PKIA: variants seen among roughly 807,000 people sequenced by gnomAD.
PKIA encodes the protein cAMP-dependent protein kinase inhibitor alpha, also known as PKI-alpha.
PKIA carries 4 observed loss-of-function variants against 7.6 expected under a neutral mutation model. That is an observed-to-expected ratio of 0.52 (90% confidence interval 0.26 to 1.20). PKIA has a LOEUF of 1.20. Ranked by LOEUF, PKIA falls within the 50% of genes most tolerant of loss-of-function variation. The pLI is 0.13. For missense variants in PKIA, 73 were observed against 86.2 expected (o/e 0.85, Z 0.61); for synonymous variants, 21 against 30.7 (o/e 0.68, Z 1.04).
intron 1 of PKIA, among the ~76,000 whole-genome samples, chr8:78,545,374 A>C (rs1047259970): frequency 6.6e-6 from 1 of 152,130 alleles, no homozygotes; most frequent in Non-Finnish European, 1.5e-5. Flanking sequence ...AATTTCATAG[A>C]AAAGGCATAG....
At chr8:78,594,597 A>G (rs1013417983) in intron 2 of PKIA, among the ~76,000 whole-genome samples, 3 of 152,190 alleles carry the variant, frequency 2.0e-5, no homozygotes, top group Admixed American at 2.0e-4. Context: ...CCTGTGTTTT[A>G]CAGGGACTAA....
rs1361691609 is a variant in PKIA at position 78,568,237 on chromosome 8, C to T, written c.-156-4574C>T. ...GATGAGTTTATATTAATGTCTCCAA[C>T]CCTAATCTACTACCTCATGAATCAG... On this transcript the variant is annotated intron_variant, in intron 1 of 3. Transcript: ENST00000396418. Among the ~76,000 whole-genome samples the T allele has an allele frequency of 2.0e-5, 3 of 152,098 alleles. No homozygotes were observed. In the South Asian group the frequency reaches 6.2e-4, roughly 32 times the overall value.
chr8:78,594,488 G>A lies in PKIA; in HGVS notation c.-27-3870G>A, dbSNP rs571974475. 2.0e-5 allele frequency among the ~76,000 whole-genome samples: 3 copies of A among 152,288 alleles called. No homozygotes were observed. In the South Asian group the frequency reaches 6.2e-4, roughly 32 times the overall value. On this transcript the variant is annotated intron_variant, in intron 2 of 3. Coordinates refer to ENST00000396418, the MANE Select transcript of PKIA (RefSeq NM_006823.4). ...AAAGGCCTTTGAGAAAGGCAAAATGGTAACACTTACTGCAGCATTTTGGAT... is the reference window on the plus strand; with the variant it reads ...AAAGGCCTTTGAGAAAGGCAAAATGATAACACTTACTGCAGCATTTTGGAT...
Position 78,602,112 on chromosome 8 carries a change from C to T in PKIA, c.*291C>T, listed in dbSNP as rs780352013. 4.8e-5 allele frequency: 15 copies of T among 313,142 alleles called. No individual in the cohort carries two copies. The highest frequency in any genetic ancestry group is 7.6e-5 in the Non-Finnish European group (13 of 171,286). The allele number at this position is 313,142 out of a possible 1,614,324, so 19.4% of individuals were successfully genotyped here. A position where few individuals can be genotyped will look rare whatever the true frequency, so the allele number is the denominator to read the frequency against. ...ACGAAATGCTTATAGAGAGTAGCTC[C>T]GACCTAGATGATGATTCTTCCTGTA... On this transcript the variant is annotated 3_prime_UTR_variant, in exon 4 of 4. Coordinates refer to ENST00000396418, the MANE Select transcript of PKIA (RefSeq NM_006823.4).
At chr8:78,566,327 G>T (rs1807411822) in intron 1 of PKIA, among the ~76,000 whole-genome samples, 1 of 151,978 alleles carries the variant, frequency 6.6e-6, no homozygotes, top group Non-Finnish European at 1.5e-5. Flanking sequence ...AAAGTAAGAT[G>T]GTGAGTGATC....
intron 1 of PKIA, chr8:78,535,676 A>T (rs1398297058): frequency 1.3e-5 from 2 of 152,124 alleles, no homozygotes; most frequent in Non-Finnish European, 2.9e-5. Context: ...AAGTACATTC[A>T]GCCCTCCGAA....
intron 1 of PKIA, among the ~76,000 whole-genome samples, chr8:78,532,932 A>T (rs915256587): frequency 6.7e-6 from 1 of 149,372 alleles, no homozygotes; most frequent in Non-Finnish European, 1.5e-5. Flanking sequence ...AAATAAAAAT[A>T]AAAAAAATAC....
At chr8:78,577,110 T>A (rs1484657523) in intron 2 of PKIA, among the ~76,000 whole-genome samples, 1 of 151,918 alleles carries the variant, frequency 6.6e-6, no homozygotes, top group Admixed American at 6.6e-5. Flanking sequence ...ATGTTCTCAC[T>A]TTTTTTTAAT....
Position 78,575,613 on chromosome 8 carries a change from A to G in PKIA, c.-28+2674A>G, listed in dbSNP as rs1337915918. Among the ~76,000 whole-genome samples the G allele has an allele frequency of 2.0e-5, 3 of 151,992 alleles. 1 individual carries two copies. In the East Asian group the frequency reaches 5.8e-4, roughly 29 times the overall value. ...ATGCCTCCTATTATACACGTGCAAG[A>G]TTTATCTTAACATGTGTAACCACGA... is the stretch of plus-strand genomic sequence containing the variant. On this transcript the variant is annotated intron_variant, in intron 2 of 3. Coordinates refer to ENST00000396418, the MANE Select transcript of PKIA (RefSeq NM_006823.4).
chr8:78,595,311 A>G (rs1171571203), intron 2 of PKIA, among the ~76,000 whole-genome samples: 1 of 152,236 alleles, frequency 6.6e-6, no homozygotes, highest in Non-Finnish European at 1.5e-5. Context: ...CAGCATCAGT[A>G]TAAAGAATTG....
intron 1 of PKIA, among the ~76,000 whole-genome samples, chr8:78,567,685 C>T (rs766065771): frequency 2.8e-4 from 42 of 152,104 alleles, no homozygotes; most frequent in Non-Finnish European, 5.3e-4. Context: ...AGTTATACTC[C>T]GCCTTCTTTG....
At chr8:78,598,072 T>C (rs1310136229) in intron 2 of PKIA, among the ~76,000 whole-genome samples, 3 of 147,250 alleles carry the variant, frequency 2.0e-5, no homozygotes, top group African/African-American at 7.4e-5. Flanking sequence ...ATAATATGTA[T>C]TATTAATTAT....
intron 2 of PKIA, among the ~76,000 whole-genome samples, chr8:78,584,733 C>T (rs1807908290): frequency 6.6e-6 from 1 of 151,466 alleles, no homozygotes; most frequent in East Asian, 1.9e-4. Flanking sequence ...TTACTTTGTA[C>T]CCTGAATTGT....
rs1180259195 is a variant in PKIA, at chr8:78,524,021, C to T, written c.-157+7553C>T. ...ACATTTATATATAAATATATATAAA[C>T]GTTTATATAAACGTTTATATATATA... On this transcript the variant is annotated intron_variant, in intron 1 of 3. Transcript: ENST00000396418. Among the ~76,000 whole-genome samples the T allele has an allele frequency of 3.2e-4, 24 of 73,998 alleles. 4 individuals are homozygous for T. Among genetic ancestry groups the T allele is most frequent in the Admixed American group, 1.2e-3 (9 of 7,668 alleles). 48.5% of individuals were successfully genotyped at this position (73,998 alleles called of 152,430 possible). A position where few individuals can be genotyped will look rare whatever the true frequency, so the allele number is the denominator to read the frequency against.
intron 2 of PKIA, among the ~76,000 whole-genome samples, chr8:78,581,419 A>C (rs1490801654): frequency 6.6e-6 from 1 of 152,124 alleles, no homozygotes; most frequent in Non-Finnish European, 1.5e-5. Context: ...AAAATGTATT[A>C]ATGTTAAAAA....
Position 78,538,214 on chromosome 8 carries a change from T to G in PKIA, c.-157+21746T>G, listed in dbSNP as rs550892094. Among the ~76,000 whole-genome samples, 4 of 152,178 alleles carry G rather than the reference T, an allele frequency of 2.6e-5. No individual in the cohort carries two copies. In the South Asian group the frequency reaches 8.3e-4, roughly 32 times the overall value. On this transcript the variant is annotated intron_variant, in intron 1 of 3. Coordinates refer to ENST00000396418, the MANE Select transcript of PKIA (RefSeq NM_006823.4). ...AGGGAGGCATTGAAAGCAGGAACTG[T>G]TTGCTATTTCTGGCATCAAAAGCAA...
chr8:78,532,893 A>G (rs1028569459), intron 1 of PKIA, among the ~76,000 whole-genome samples: 10 of 152,104 alleles, frequency 6.6e-5, no homozygotes, highest in Admixed American at 5.9e-4. Flanking sequence ...CCTGGGTGAC[A>G]GAGCAACAGA....
chr8:78,518,745 A>AT (rs1470586355), intron 1 of PKIA, among the ~76,000 whole-genome samples: 2 of 152,166 alleles, frequency 1.3e-5, no homozygotes, highest in Non-Finnish European at 2.9e-5. Context: ...CTTGCTAGTG[A>AT]TTTTGCAGGT....
At chr8:78,553,320 G>A (rs1470360960) in intron 1 of PKIA, among the ~76,000 whole-genome samples, 2 of 151,886 alleles carry the variant, frequency 1.3e-5, no homozygotes, top group Admixed American at 6.6e-5. Flanking sequence ...AGAGAATCCC[G>A]GCTTGGATCC....
Sources: gnomAD v4.1 joint callset for allele counts (sites outside exome capture counted in the v4.1 genomes callset) on GRCh38, gnomAD v4.1.1 for gene constraint, MANE v1.5 for transcripts, NCBI Gene and HGNC (gene_info 2026-07-23, HGNC 2026-07-21) for gene names.